JAKMIP3: variants seen among roughly 807,000 people sequenced by gnomAD.
JAKMIP3 encodes the protein Janus kinase and microtubule interacting protein 3.
Under a neutral mutation model 118.5 loss-of-function variants are expected in JAKMIP3, and 58 were observed. The observed-to-expected ratio is 0.49, with a 90% CI of 0.40 to 0.61. The LOEUF (loss-of-function observed/expected upper bound fraction) is 0.61, where lower values mean the gene tolerates loss of function less well. Ranked by LOEUF, JAKMIP3 falls within the 20% of genes least tolerant of loss-of-function variation. The probability of loss-of-function intolerance (pLI) is 0.00; values close to 1 mark genes in which losing one functional copy is unlikely to be tolerated. For synonymous variants in JAKMIP3, 486 were observed against 451.2 expected (o/e 1.08, Z -0.98); for missense variants, 950 against 1,109.0 (o/e 0.86, Z 2.04).
At chr10:132,181,322 C>T (rs1313190624) in intron 23 of JAKMIP3, 1 of 152,230 alleles carries the variant, frequency 6.6e-6, no homozygotes, top group African/African-American at 2.4e-5. Flanking sequence ...GTGCCTAGTT[C>T]ATACTCCAGG....
chr10:132,102,973 A>T (rs9419192), intron 1 of JAKMIP3, among the ~76,000 whole-genome samples: 34,661 of 138,490 alleles, frequency 0.25, 4,604 homozygotes, highest in African/African-American at 0.41. Flanking sequence ...GGTGGGGGGA[A>T]GTGTTCACCG....
At chr10:132,069,098 G>A (rs560884130) in intron 1 of JAKMIP3, among the ~76,000 whole-genome samples, 23 of 152,190 alleles carry the variant, frequency 1.5e-4, no homozygotes, top group South Asian at 2.1e-4. Context: ...CTACCCAGGC[G>A]CCATTCTTCC....
chr10:132,094,463 G>T (rs753582081), intron 1 of JAKMIP3, among the ~76,000 whole-genome samples: 8 of 152,072 alleles, frequency 5.3e-5, no homozygotes, highest in Admixed American at 2.0e-4. Flanking sequence ...CCTTGATGTA[G>T]GGCTCTGCTC....
At chr10:132,076,211 C>G (rs1194660153) in intron 1 of JAKMIP3, among the ~76,000 whole-genome samples, 1 of 152,148 alleles carries the variant, frequency 6.6e-6, no homozygotes. Context: ...CCTTCTTCCT[C>G]TGTAAATTCG....
intron 23 of JAKMIP3, among the ~76,000 whole-genome samples, chr10:132,169,402 G>A (rs1474039966): frequency 6.6e-6 from 1 of 152,210 alleles, no homozygotes; most frequent in East Asian, 1.9e-4. Flanking sequence ...GCACTTGAAC[G>A]TGGACGCCGC....
chr10:132,137,464 G>A (rs956529182), intron 8 of JAKMIP3, among the ~76,000 whole-genome samples, 175 bp downstream of exon 8: 19 of 152,228 alleles, frequency 1.2e-4, no homozygotes, highest in Non-Finnish European at 1.2e-4. Context: ...GGTGGCTGAC[G>A]CCCTTCAGTG....
intron 13 of JAKMIP3, among the ~76,000 whole-genome samples, chr10:132,146,241 C>A (rs2054587207): frequency 6.6e-6 from 1 of 151,580 alleles, no homozygotes; most frequent in Admixed American, 6.6e-5. Flanking sequence ...TCTCAGTGGC[C>A]TTAGCTTCTG....
At chr10:132,177,960 GTA>G (rs780603573) in intron 23 of JAKMIP3, among the ~76,000 whole-genome samples, 10 of 148,954 alleles carry the variant, frequency 6.7e-5, no homozygotes, top group East Asian at 2.0e-4. Context: ...TAGTGTGCGT[GTA>G]TGTGTGCACC....
At position 132,184,016 on chromosome 10, in the gene JAKMIP3, A is replaced by G. The variant is rs528851850; in HGVS notation, c.*2763A>G. 1.3e-5 allele frequency: 2 copies of G among 152,312 alleles called. No homozygotes were observed. Among genetic ancestry groups the G allele is most frequent in the South Asian group, 4.1e-4 (2 of 4,824 alleles). 9.4% of individuals were successfully genotyped at this position (152,312 alleles called of 1,614,324 possible). A position where few individuals can be genotyped will look rare whatever the true frequency, so the allele number is the denominator to read the frequency against. On this transcript the variant is annotated 3_prime_UTR_variant, in exon 24 of 24. Transcript: ENST00000684848. ...CTGTATGAATGCATCACCCCCTAAT[A>G]AGGCAAGAGGAAGGACCCTGAAATG...
intron 10 of JAKMIP3, among the ~76,000 whole-genome samples, chr10:132,141,246 C>T (rs1208077357): frequency 6.6e-6 from 1 of 152,196 alleles, no homozygotes; most frequent in Non-Finnish European, 1.5e-5. Flanking sequence ...GGATCTAAGA[C>T]ATCCTCTCAC....
chr10:132,127,446 G>C (rs2049835734), intron 3 of JAKMIP3, among the ~76,000 whole-genome samples: 3 of 151,350 alleles, frequency 2.0e-5, no homozygotes, highest in Non-Finnish European at 4.4e-5. Flanking sequence ...GTAGAGACGG[G>C]GTTTCACCAT....
intron 1 of JAKMIP3, among the ~76,000 whole-genome samples, chr10:132,104,374 C>T (rs577029912): frequency 1.3e-5 from 2 of 152,320 alleles, no homozygotes; most frequent in South Asian, 4.1e-4. Flanking sequence ...GTTGGGTGCC[C>T]ACTCCCTCAC....
intron 10 of JAKMIP3, among the ~76,000 whole-genome samples, chr10:132,140,964 G>T (rs1382495738): frequency 6.6e-6 from 1 of 152,238 alleles, no homozygotes; most frequent in African/African-American, 2.4e-5. Context: ...TGGTCTCAGT[G>T]CCAAGAGCAC....
At position 132,138,114 on chromosome 10, in the gene JAKMIP3, C is replaced by T. The variant is rs1024654207; in HGVS notation, c.1285-5C>T. On this transcript the variant is annotated splice_polypyrimidine_tract_variant and splice_region_variant and intron_variant, in intron 8 of 23. Transcript: ENST00000684848. The stretch of plus-strand genomic sequence containing the variant: ...TTACACAACCTCTTCAACTGGCTTC[C>T]GCAGGAGCGGGACAAGCTGTTAAGA... 5.0e-6 allele frequency: 8 copies of T among 1,611,216 alleles called. No homozygotes were observed. In the African/African-American group the frequency reaches 5.3e-5, roughly 11 times the overall value.
intron 23 of JAKMIP3, chr10:132,170,205 T>G (rs1183676289): frequency 1.3e-5 from 2 of 152,224 alleles, no homozygotes; most frequent in Admixed American, 1.3e-4. Context: ...GAGCTGGAGC[T>G]CCAAGCATAA....
intron 1 of JAKMIP3, among the ~76,000 whole-genome samples, chr10:132,040,044 TAGGTGCTGCTGTGGACCA>T: frequency 6.6e-6 from 1 of 152,214 alleles, no homozygotes; most frequent in East Asian, 1.9e-4. Flanking sequence ...TGTAAGTCAT[TAGGTGCTGCTGTGGACCA>T]AATTGTGTCC....
chr10:132,156,368 C>T (rs869252), intron 19 of JAKMIP3, among the ~76,000 whole-genome samples: 121,599 of 152,150 alleles, frequency 0.8, 49,025 homozygotes, highest in East Asian at 0.98. Flanking sequence ...TGCTCTCCCA[C>T]GAGCACCAAG....
upstream of JAKMIP3, among the ~76,000 whole-genome samples, chr10:132,064,437 C>A (rs1157573537): frequency 1.3e-5 from 2 of 152,158 alleles, no homozygotes; most frequent in Non-Finnish European, 2.9e-5. The surrounding 1 kb of genome is among the most constrained non-coding windows in gnomAD (Gnocchi z 4.4). Flanking sequence ...GGGCGTGGAC[C>A]CCGAGCCGCC....
upstream of JAKMIP3, among the ~76,000 whole-genome samples, chr10:132,036,524 G>C (rs1447877310): frequency 6.6e-6 from 1 of 152,070 alleles, no homozygotes; most frequent in South Asian, 2.1e-4. Flanking sequence ...CAGCGGCTCC[G>C]CGGAGACCGG....
Sources: allele counts gnomAD v4.1 joint callset (sites outside exome capture counted in the v4.1 genomes callset), GRCh38; gene constraint gnomAD v4.1.1; non-coding constraint Gnocchi (gnomAD v3.1); transcripts MANE v1.5; gene names NCBI Gene and HGNC (gene_info 2026-07-23, HGNC 2026-07-21).